Variants in ZNF516 observed in about 807,000 individuals in gnomAD.
ZNF516 encodes the protein zinc finger protein 516.
Under a neutral mutation model 79.7 loss-of-function variants are expected in ZNF516, and 19 were observed. That is an observed-to-expected ratio of 0.24 (90% CI 0.17 to 0.35). The LOEUF is 0.35. Among genes scored for constraint, ZNF516 ranks in the 10% least tolerant of loss-of-function variants. The pLI, the probability that ZNF516 is intolerant of heterozygous loss-of-function variation, is 1.00. For synonymous variants in ZNF516, 877 were observed against 739.5 expected (o/e 1.19, Z -3.02); for missense variants, 1,678 against 1,679.5 (o/e 1.00, Z 0.02).
At chr18:76,415,229 GA>G (rs1568272632) in intron 3 of ZNF516, among the ~76,000 whole-genome samples, 1 of 152,108 alleles carries the variant, frequency 6.6e-6, no homozygotes, top group Non-Finnish European at 1.5e-5. Flanking sequence ...GAGGAAAAAA[GA>G]AAAGAAAAAG....
intron 1 of ZNF516, among the ~76,000 whole-genome samples, chr18:76,464,676 GC>G (rs1232405752): frequency 2.0e-5 from 3 of 147,320 alleles, no homozygotes; most frequent in Non-Finnish European, 3.0e-5. Flanking sequence ...GGGGACAGTG[GC>G]CTCCTGGACT....
intron 3 of ZNF516, among the ~76,000 whole-genome samples, chr18:76,404,284 C>T (rs7228139): frequency 0.022 from 3,338 of 152,338 alleles, 102 homozygotes; most frequent in African/African-American, 0.076. Context: ...CTGGGGGAGA[C>T]GACGTGATCC....
intron 1 of ZNF516, among the ~76,000 whole-genome samples, chr18:76,483,488 G>A (rs1457292942): frequency 6.6e-6 from 1 of 152,064 alleles, no homozygotes; most frequent in Non-Finnish European, 1.5e-5. Flanking sequence ...GCATCTGTCC[G>A]TCATCGGCAT....
At chr18:76,464,683 G>A (rs1456757318) in intron 1 of ZNF516, among the ~76,000 whole-genome samples, 1 of 149,640 alleles carries the variant, frequency 6.7e-6, no homozygotes, top group East Asian at 1.9e-4. Context: ...GTGGCCTCCT[G>A]GACTTGCAAG....
At chr18:76,381,879 C>A (rs1233014456) in intron 3 of ZNF516, among the ~76,000 whole-genome samples, 2 of 152,212 alleles carry the variant, frequency 1.3e-5, no homozygotes, top group Non-Finnish European at 2.9e-5. Flanking sequence ...TGCCTGCAAT[C>A]CCAGCACTAT....
intron 3 of ZNF516, among the ~76,000 whole-genome samples, chr18:76,382,711 G>T (rs1380682468): frequency 2.6e-5 from 4 of 152,270 alleles, no homozygotes; most frequent in East Asian, 1.9e-4. Context: ...AGGAGTTCGA[G>T]ACCAGCCTGG....
chr18:76,418,954 C>A (rs1285224404), intron 3 of ZNF516, among the ~76,000 whole-genome samples: 2 of 152,212 alleles, frequency 1.3e-5, no homozygotes, highest in African/African-American at 4.8e-5. Context: ...CACCTCATTC[C>A]GCAGACGAAA....
chr18:76,480,710 TGGGG>T (rs1461222639), intron 1 of ZNF516, among the ~76,000 whole-genome samples: 9 of 152,088 alleles, frequency 5.9e-5, no homozygotes, highest in African/African-American at 9.7e-5. Context: ...TTAGTAGAGA[TGGGG>T]TTTTGCCATG....
At chr18:76,449,527 G>A (rs1033846342) in intron 2 of ZNF516, among the ~76,000 whole-genome samples, 6 of 152,228 alleles carry the variant, frequency 3.9e-5, no homozygotes, top group Non-Finnish European at 7.3e-5. Flanking sequence ...CACTACCTGA[G>A]GTCAGCTGTG....
intron 1 of ZNF516, among the ~76,000 whole-genome samples, chr18:76,477,754 A>C (rs1395647451): frequency 6.6e-6 from 1 of 152,106 alleles, no homozygotes; most frequent in Non-Finnish European, 1.5e-5. Context: ...TGGGAATAAG[A>C]CACAAACAAC....
chr18:76,374,569 C>A (rs945592889), intron 4 of ZNF516, among the ~76,000 whole-genome samples: 1 of 152,170 alleles, frequency 6.6e-6, no homozygotes, highest in South Asian at 2.1e-4. Flanking sequence ...CTGAATAAAA[C>A]CTGTCTTAGA....
chr18:76,477,325 C>A (rs867702724), intron 1 of ZNF516, among the ~76,000 whole-genome samples: 2 of 152,154 alleles, frequency 1.3e-5, no homozygotes, highest in African/African-American at 4.8e-5. Flanking sequence ...AGCACGAAAA[C>A]TGACCCTCCG....
chr18:76,479,249 C>G (rs1914356594), intron 1 of ZNF516, among the ~76,000 whole-genome samples: 1 of 152,190 alleles, frequency 6.6e-6, no homozygotes, highest in African/African-American at 2.4e-5. Context: ...AAATGGTCAA[C>G]AGTCGTTCCA....
At chr18:76,386,283 T>G (rs1047981648) in intron 3 of ZNF516, 4 of 152,036 alleles carry the variant, frequency 2.6e-5, no homozygotes, top group African/African-American at 9.7e-5. Context: ...CTCTGCACAG[T>G]TGCTGGACCC....
intron 3 of ZNF516, among the ~76,000 whole-genome samples, chr18:76,410,097 G>A (rs539476224): frequency 1.3e-5 from 2 of 152,184 alleles, no homozygotes; most frequent in African/African-American, 2.4e-5. Context: ...GGGGAGCTAT[G>A]AGTCCACTAA....
At chr18:76,396,620 C>T (rs690401) in intron 3 of ZNF516, among the ~76,000 whole-genome samples, 105,460 of 152,034 alleles carry the variant, frequency 0.69, 37,244 homozygotes, top group African/African-American at 0.84. Context: ...TGAAATCAGG[C>T]GTCCAGATTT....
chr18:76,490,089 C>T lies in ZNF516; in HGVS notation c.-272+5055G>A, dbSNP rs1915074921. On this transcript the variant is annotated intron_variant, in intron 1 of 6. Coordinates refer to ENST00000443185, the MANE Select transcript of ZNF516 (RefSeq NM_014643.4). Reference sequence around the variant, plus strand: ...AGAAAAACATTAGACATGCTTGTGCCTTAACACACCAAAATTCAAATTCAA... The same window carrying T: ...AGAAAAACATTAGACATGCTTGTGCTTTAACACACCAAAATTCAAATTCAA... 8.0e-6 allele frequency: 7 copies of T among 871,864 alleles called. 1 individual carries two copies. Among genetic ancestry groups the T allele is most frequent in the Middle Eastern group, 5.8e-4 (1 of 1,730 alleles). The allele number at this position is 871,864 out of a possible 1,614,324, so 54.0% of individuals were successfully genotyped here. A position where few individuals can be genotyped will look rare whatever the true frequency, so the allele number is the denominator to read the frequency against.
chr18:76,476,497 G>A (rs1261933412), intron 1 of ZNF516, among the ~76,000 whole-genome samples: 1 of 152,230 alleles, frequency 6.6e-6, no homozygotes, highest in Non-Finnish European at 1.5e-5. Flanking sequence ...ACATCCAGGA[G>A]TTGCAGGACA....
Position 76,379,413 on chromosome 18 carries a change from T to C in ZNF516, c.2701A>G (p.Thr901Ala). 1 of 1,608,590 alleles carries C rather than the reference T, an allele frequency of 6.2e-7. No homozygotes were observed. The highest frequency in any genetic ancestry group is 8.5e-7 in the Non-Finnish European group (1 of 1,177,274). ...CHGQEPHGAA[T>A]QGPLAKPRQE... ...CTGGGCTTGGCCAGGGGCCCCTGTGTGGCCGCGCCATGTGGCTCCTGGCCG... is the reference window on the plus strand; with the variant it reads ...CTGGGCTTGGCCAGGGGCCCCTGTGCGGCCGCGCCATGTGGCTCCTGGCCG... The change falls in exon 4 of 7, where the codon ACA (threonine) becomes GCA (alanine). Residue 901 changes from threonine (T) to alanine (A), a missense_variant. Thr to Ala is a moderately conservative substitution (Grantham distance 58, BLOSUM62 0). Transcript: ENST00000443185.
Sources: gnomAD v4.1 joint callset for allele counts (sites outside exome capture counted in the v4.1 genomes callset) on GRCh38, gnomAD v4.1.1 for gene constraint, MANE v1.5 for transcripts, NCBI Gene and HGNC (gene_info 2026-07-23, HGNC 2026-07-21) for gene names.